Variants in CNOT1 observed in about 807,000 individuals in gnomAD.
CNOT1 encodes CCR4-associated factor 1.
A neutral mutation model predicts 273.8 loss-of-function variants in CNOT1; 15 were observed. The observed-to-expected ratio is 0.05, with a 90% CI of 0.04 to 0.08. CNOT1 has a LOEUF of 0.08. Ranked by LOEUF, CNOT1 falls within the 10% of genes least tolerant of loss-of-function variation. The probability of loss-of-function intolerance (pLI) is 1.00; values close to 1 mark genes in which losing one functional copy is unlikely to be tolerated. For synonymous variants in CNOT1, 1,022 were observed against 1,005.5 expected (o/e 1.02, Z -0.31); for missense variants, 1,644 against 2,912.2 (o/e 0.56, Z 10.02).
intron 31 of CNOT1, 22 bp from the exon 32 acceptor site, chr16:58,542,590 G>T: frequency 6.6e-7 from 1 of 1,525,616 alleles, no homozygotes; most frequent in Non-Finnish European, 9.0e-7. Context: ...GGTGGGTGGG[G>T]GGGTGGGGGG....
At position 58,525,098 on chromosome 16, in the gene CNOT1, A is replaced by T. The variant is rs878983232; in HGVS notation, c.6784+81T>A. 15 of 1,325,792 alleles carry T rather than the reference A, an allele frequency of 1.1e-5. No individual in the cohort carries two copies. In the East Asian group the frequency reaches 1.2e-4, roughly 10 times the overall value. 82.1% of individuals were successfully genotyped at this position (1,325,792 alleles called of 1,614,324 possible). ...AACATTCCTTCACTATTGTGGCTTG[A>T]AGCATTTTTACATTTTTGTGATCAG... On this transcript the variant is annotated intron_variant, in intron 46 of 48. Coordinates refer to ENST00000317147, the MANE Select transcript of CNOT1 (RefSeq NM_016284.5).
At chr16:58,558,383 T>G (rs2040711141) in intron 18 of CNOT1, 90 bp downstream of exon 18, 7 of 1,567,098 alleles carry the variant, frequency 4.5e-6, no homozygotes, top group Non-Finnish European at 6.0e-6. Context: ...GCTTTCCTTA[T>G]CACAGTGACT....
chr16:58,538,738 C>G (rs777529252), intron 36 of CNOT1, 34 bp downstream of exon 36: 1 of 1,607,970 alleles, frequency 6.2e-7, no homozygotes, highest in South Asian at 1.1e-5. Context: ...AGTCGCAGTC[C>G]AATACTCACT....
chr16:58,600,491 T>A (rs2042422693), intron 1 of CNOT1, among the ~76,000 whole-genome samples: 1 of 152,174 alleles, frequency 6.6e-6, no homozygotes, highest in Admixed American at 6.5e-5. Flanking sequence ...GGAACATTCA[T>A]CTCTCATTTT....
At chr16:58,556,370 C>A (rs1055431427) in intron 19 of CNOT1, among the ~76,000 whole-genome samples, 1 of 152,176 alleles carries the variant, frequency 6.6e-6, no homozygotes, top group Non-Finnish European at 1.5e-5. Flanking sequence ...CTTTCAACCT[C>A]GTGTCATGAC....
intron 16 of CNOT1, among the ~76,000 whole-genome samples, chr16:58,566,806 C>G (rs1477875849): frequency 2.0e-5 from 3 of 151,996 alleles, no homozygotes; most frequent in African/African-American, 7.3e-5. Context: ...GCTAATTTTT[C>G]TATTTTTAGT....
At chr16:58,557,184 C>T (rs990936099) in intron 18 of CNOT1, among the ~76,000 whole-genome samples, 191 bp from the exon 19 acceptor site, 10 of 152,108 alleles carry the variant, frequency 6.6e-5, no homozygotes, top group African/African-American at 2.4e-4. Flanking sequence ...TAGGCAGTAA[C>T]GGATAATCCC....
In CNOT1 at chr16:58,555,535, T is replaced by C. The variant is rs1013392562; in HGVS notation, c.2607A>G (p.Val869=). The change falls in exon 21 of 49, where the codon GTA becomes GTG. Residue 869 remains valine, a splice_region_variant and synonymous_variant. Transcript: ENST00000317147. ...PPHPTMSVDE[V]LEMLQRFKDS... ...CTTTAAATCTCTGCAGCATTTCTAA[T>C]ACCTGGAAAAGCAAGACAAAAACAA... is the stretch of plus-strand genomic sequence containing the variant. The C allele has an allele frequency of 2.5e-6, 4 of 1,610,524 alleles. No individual in the cohort carries two copies. The highest frequency in any genetic ancestry group is 1.7e-5 in the Admixed American group (1 of 59,406).
rs774573948 is a variant in CNOT1, at chr16:58,587,262, CAAG to C, written c.379-10_379-8del. 3 of 1,613,642 alleles carry C rather than the reference CAAG, an allele frequency of 1.9e-6. No individual in the cohort carries two copies. The highest frequency in any genetic ancestry group is 1.3e-5 in the African/African-American group (1 of 74,908). On this transcript the variant is annotated splice_polypyrimidine_tract_variant and splice_region_variant and intron_variant, in intron 5 of 48. Coordinates refer to ENST00000317147, the MANE Select transcript of CNOT1 (RefSeq NM_016284.5). ...GGGCAAGGCCAAAAATTACCTGAAA[CAAG>C]AAGGATTAGATTAACCAAAGAGTCA...
chr16:58,605,171 T>C (rs2042627940), intron 1 of CNOT1, among the ~76,000 whole-genome samples: 1 of 149,904 alleles, frequency 6.7e-6, no homozygotes, highest in Non-Finnish European at 1.5e-5. Context: ...ACACCAAAAA[T>C]GGCTACCATT....
At chr16:58,528,318 C>T in intron 44 of CNOT1, 157 bp downstream of exon 44, 1 of 658,490 alleles carries the variant, frequency 1.5e-6, no homozygotes, top group Admixed American at 2.5e-5. Flanking sequence ...AATATCATAC[C>T]TTCTATCAGG....
At chr16:58,540,836 C>T (rs1020497555) in intron 34 of CNOT1, among the ~76,000 whole-genome samples, 13 of 152,198 alleles carry the variant, frequency 8.5e-5, no homozygotes, top group East Asian at 3.9e-4. Context: ...TCGACCGGTT[C>T]GGGGGAAAAT....
At chr16:58,585,609 T>C (rs2041807697) in intron 7 of CNOT1, 103 bp from the exon 8 acceptor site, 1 of 1,466,596 alleles carries the variant, frequency 6.8e-7, no homozygotes, top group Admixed American at 2.8e-5. Flanking sequence ...CACAAGTTCA[T>C]ATTCAAAGCC....
intron 2 of CNOT1, 122 bp downstream of exon 2, chr16:58,599,114 A>T: frequency 7.8e-7 from 1 of 1,275,298 alleles, no homozygotes; most frequent in Non-Finnish European, 1.1e-6. Context: ...GACAGAAATC[A>T]CTTGAATTAA....
chr16:58,555,568 A>G (rs750087319), intron 20 of CNOT1, 31 bp from the exon 21 acceptor site: 4 of 1,595,784 alleles, frequency 2.5e-6, no homozygotes, highest in Non-Finnish European at 3.4e-6. Flanking sequence ...CAACGCACAC[A>G]TAAAGGAAAC....
intron 40 of CNOT1, 98 bp downstream of exon 40, chr16:58,534,049 T>C (rs1342899391): frequency 8.4e-7 from 1 of 1,189,370 alleles, no homozygotes; most frequent in Non-Finnish European, 1.0e-6. Context: ...AGAGTGAGAC[T>C]CTCTCAAAGA....
At chr16:58,553,030 T>C (rs973126113) in intron 22 of CNOT1, among the ~76,000 whole-genome samples, 1 of 152,174 alleles carries the variant, frequency 6.6e-6, no homozygotes, top group Admixed American at 6.5e-5. Context: ...CCCAGCACTT[T>C]GCAGGGCGGA....
In CNOT1 at chr16:58,578,930, C is replaced by T. The variant is rs771014777; in HGVS notation, c.1353G>A (p.Leu451=). 6.2e-7 allele frequency: 1 copy of T among 1,613,502 alleles called. No homozygotes were observed. The highest frequency in any genetic ancestry group is 1.1e-5 in the South Asian group (1 of 91,050). ...GCCTCAGCAGAGATTCAATCAAATC[C>T]AAGCTCTTCCTAACGAGAAAGGAAG... ...DNREIATWKS[L]DLIESLLRLA... The change falls in exon 13 of 49, where the codon TTG becomes TTA. Residue 451 remains leucine, a synonymous_variant. Transcript: ENST00000317147.
At chr16:58,559,962 TA>T in intron 17 of CNOT1, 1 of 1,088,670 alleles carries the variant, frequency 9.2e-7, no homozygotes, top group Non-Finnish European at 1.3e-6. Flanking sequence ...ATTCATATTT[TA>T]AAAAGAAACC....
Sources: gnomAD v4.1 joint callset for allele counts (sites outside exome capture counted in the v4.1 genomes callset) on GRCh38, gnomAD v4.1.1 for gene constraint, MANE v1.5 for transcripts, NCBI Gene and HGNC (gene_info 2026-07-23, HGNC 2026-07-21) for gene names.